The following PRH1 variants were observed in gnomAD, a reference collection of about 807,000 sequenced individuals.
PRH1 encodes salivary acidic proline-rich phosphoprotein 1/2.
In PRH1, 7 loss-of-function variants were observed where a neutral mutation model predicts 7.9. The observed-to-expected ratio is 0.89, with a 90% confidence interval of 0.50 to 1.67. PRH1 has a LOEUF of 1.67. Among genes scored for constraint, PRH1 ranks in the 40% most tolerant of loss-of-function variants. The probability of loss-of-function intolerance (pLI) is 0.00; values close to 1 mark genes in which losing one functional copy is unlikely to be tolerated. For synonymous variants in PRH1, 45 were observed against 80.8 expected (o/e 0.56, Z 2.38); for missense variants, 109 against 223.6 (o/e 0.49, Z 3.27).
intron 2 of PRH1, among the ~76,000 whole-genome samples, chr12:10,952,290 TTCA>T (rs1177383351): frequency 6.6e-6 from 1 of 152,174 alleles, no homozygotes; most frequent in Non-Finnish European, 1.5e-5. Context: ...TATGTTTGTA[TTCA>T]TCAAAGAGCT....
chr12:10,988,293 G>T (rs904531041), intron 1 of PRH1, among the ~76,000 whole-genome samples: 1 of 152,008 alleles, frequency 6.6e-6, no homozygotes, highest in Non-Finnish European at 1.5e-5. Flanking sequence ...AAGAGTGTGG[G>T]GAAATATATT....
intron 1 of PRH1, chr12:11,061,228 G>A: frequency 3.1e-6 from 4 of 1,285,398 alleles, no homozygotes; most frequent in Non-Finnish European, 4.2e-6. Context: ...ACTAACGTTA[G>A]GTAAAAGACT....
At chr12:11,072,041 C>A (rs1489741522) in intron 1 of PRH1, among the ~76,000 whole-genome samples, 2 of 152,138 alleles carry the variant, frequency 1.3e-5, no homozygotes, top group Non-Finnish European at 2.9e-5. Context: ...CCACCAGCAA[C>A]TGACTCGCAT....
upstream of PRH1, among the ~76,000 whole-genome samples, chr12:11,050,455 T>C (rs1943096590): frequency 6.6e-6 from 1 of 152,302 alleles, no homozygotes; most frequent in African/African-American, 2.4e-5. Flanking sequence ...CTTGCTCTCA[T>C]TCTGGTAAAC....
intron 2 of PRH1, among the ~76,000 whole-genome samples, chr12:10,905,704 T>C (rs141049679): frequency 1.3e-3 from 195 of 151,948 alleles, no homozygotes; most frequent in African/African-American, 4.5e-3. Context: ...AAGTGTGGTA[T>C]ATATAGACCA....
intron 1 of PRH1, among the ~76,000 whole-genome samples, chr12:11,028,871 C>T (rs181381947): frequency 7.4e-4 from 113 of 151,854 alleles, no homozygotes; most frequent in African/African-American, 2.6e-3. Flanking sequence ...CTTGGATAAG[C>T]CTGTAATCTT....
intron 1 of PRH1, chr12:11,030,842 T>C: frequency 6.2e-7 from 1 of 1,614,204 alleles, no homozygotes; most frequent in South Asian, 1.1e-5. Context: ...CAATTTGATC[T>C]TCCAAGTCAA....
intron 1 of PRH1, among the ~76,000 whole-genome samples, chr12:11,168,213 G>GAAGAAAGA (rs869102236): frequency 5.1e-5 from 1 of 19,662 alleles, no homozygotes; most frequent in Non-Finnish European, 1.2e-4. Flanking sequence ...AAGAAAGAAA[G>GAAGAAAGA]AAGAAAGAAA....
At chr12:10,921,328 C>T (rs1026421744) in intron 2 of PRH1, among the ~76,000 whole-genome samples, 13 of 151,930 alleles carry the variant, frequency 8.6e-5, no homozygotes, top group African/African-American at 3.1e-4. Flanking sequence ...TTTTGATAGT[C>T]CATTCAAAAT....
At chr12:11,063,683 T>C (rs867013850) in intron 1 of PRH1, among the ~76,000 whole-genome samples, 5 of 152,082 alleles carry the variant, frequency 3.3e-5, no homozygotes. Context: ...TACAACCTTG[T>C]TGTGTCAGGA....
At chr12:10,987,123 G>A (rs1315544522) in intron 1 of PRH1, among the ~76,000 whole-genome samples, 1 of 152,008 alleles carries the variant, frequency 6.6e-6, no homozygotes, top group Non-Finnish European at 1.5e-5. Flanking sequence ...TTCTTGTGAT[G>A]GGCTTGAATT....
At position 11,104,158 on chromosome 12, in the gene PRH1, C is replaced by CAGA. The variant is rs2136289263; in HGVS notation, n.124-56973_124-56971dup. ...CCAACACAGTCAAAGATACTTCGCA[C>CAGA]AGATAAGATCCAAATGAAAGAGTAA... On this transcript the variant is annotated intron_variant and non_coding_transcript_variant, in intron 1 of 4. Transcript: ENST00000541977. 4.0e-5 allele frequency among the ~76,000 whole-genome samples: 4 copies of CAGA among 101,180 alleles called. No individual in the cohort carries two copies. In the South Asian group the frequency reaches 1.3e-3, roughly 32 times the overall value. The allele number at this position is 101,180 out of a possible 152,430, so 66.4% of individuals were successfully genotyped here. A position where few individuals can be genotyped will look rare whatever the true frequency, so the allele number is the denominator to read the frequency against.
upstream of PRH1, among the ~76,000 whole-genome samples, chr12:10,884,767 C>T (rs1949465058): frequency 6.6e-6 from 1 of 152,082 alleles, no homozygotes; most frequent in South Asian, 2.1e-4. Flanking sequence ...CAGAGATGGT[C>T]TTGCTTATCT....
intron 1 of PRH1, among the ~76,000 whole-genome samples, chr12:11,146,879 A>AT (rs1946877403): frequency 6.6e-6 from 1 of 152,194 alleles, no homozygotes; most frequent in African/African-American, 2.4e-5. Flanking sequence ...CACAAAAAGT[A>AT]AATTACCTAA....
At chr12:10,927,984 T>C (rs982040524) in intron 2 of PRH1, among the ~76,000 whole-genome samples, 1 of 152,184 alleles carries the variant, frequency 6.6e-6, no homozygotes, top group African/African-American at 2.4e-5. Flanking sequence ...TAGTTTATTG[T>C]CCAATTGTAG....
chr12:11,061,936 T>A, intron 1 of PRH1: 1 of 1,481,498 alleles, frequency 6.7e-7, no homozygotes, highest in Non-Finnish European at 9.2e-7. Flanking sequence ...CCTCTTTAAG[T>A]GAAGAAAAAT....
rs537181995 is a variant in PRH1 at position 10,937,901 on chromosome 12, T to G, written c.-59+35754A>C. 279 of 174,242 alleles carry G rather than the reference T, an allele frequency of 1.6e-3. 2 individuals are homozygous for G. The highest frequency in any genetic ancestry group is 6.3e-3 in the African/African-American group (267 of 42,472). 10.8% of individuals were successfully genotyped at this position (174,242 alleles called of 1,614,324 possible). A position where few individuals can be genotyped will look rare whatever the true frequency, so the allele number is the denominator to read the frequency against. ...CTTTTATGTACTTTATCTACCAGATTGAGATGTAAGTTTAAGAAGCCTATT... is the reference window on the plus strand; with the variant it reads ...CTTTTATGTACTTTATCTACCAGATGGAGATGTAAGTTTAAGAAGCCTATT... On this transcript the variant is annotated intron_variant, in intron 2 of 3. Transcript: ENST00000539853.
intron 1 of PRH1, among the ~76,000 whole-genome samples, chr12:11,072,216 G>C (rs1487708063): frequency 6.6e-6 from 1 of 152,122 alleles, no homozygotes; most frequent in Non-Finnish European, 1.5e-5. Context: ...GGAACTCCTG[G>C]CCTCAATAGA....
intron 2 of PRH1, among the ~76,000 whole-genome samples, chr12:10,914,289 C>A (rs1290033669): frequency 1.3e-5 from 2 of 152,034 alleles, no homozygotes; most frequent in African/African-American, 2.4e-5. Flanking sequence ...AGCTAAATAG[C>A]AAACAGAGGG....
Sources: gnomAD v4.1 joint callset for allele counts (sites outside exome capture counted in the v4.1 genomes callset) on GRCh38, gnomAD v4.1.1 for gene constraint, MANE v1.5 for transcripts, NCBI Gene and HGNC (gene_info 2026-07-23, HGNC 2026-07-21) for gene names.